The following RABGAP1L variants were observed in gnomAD, a reference collection of about 807,000 sequenced individuals.
RABGAP1L encodes the protein rab GTPase-activating protein 1-like.
A neutral mutation model predicts 137.7 loss-of-function variants in RABGAP1L; 63 were observed. The observed-to-expected ratio is 0.46, with a 90% CI of 0.37 to 0.56. The LOEUF is 0.56. RABGAP1L is among the 20% of genes least tolerant of loss of function. RABGAP1L has a pLI of 0.00. For missense variants in RABGAP1L, 1,095 were observed against 1,244.0 expected (o/e 0.88, Z 1.80); for synonymous variants, 431 against 433.7 (o/e 0.99, Z 0.08).
intron 13 of RABGAP1L, among the ~76,000 whole-genome samples, chr1:174,623,160 A>G (rs370686600): frequency 6.6e-5 from 10 of 152,340 alleles, no homozygotes; most frequent in African/African-American, 2.4e-4. Flanking sequence ...CATAATTAAC[A>G]CAGTCTTGAG....
chr1:174,317,225 A>G lies in RABGAP1L; in HGVS notation c.1465+12098A>G, dbSNP rs566611352. ...TCTCAAGCAGAAGGAGTTTTTTCCC[A>G]TAGCCACTACAGCTAGTAATGTGCT... On this transcript the variant is annotated intron_variant, in intron 11 of 25. Coordinates refer to ENST00000681986, the MANE Select transcript of RABGAP1L (RefSeq NM_001366446.1). 2.0e-5 allele frequency among the ~76,000 whole-genome samples: 3 copies of G among 152,032 alleles called. No homozygotes were observed. The South Asian group carries it at 6.2e-4, about 32-fold the overall frequency.
At chr1:174,481,932 AG>A in intron 13 of RABGAP1L, among the ~76,000 whole-genome samples, 2 of 152,156 alleles carry the variant, frequency 1.3e-5, no homozygotes, top group African/African-American at 4.8e-5. Flanking sequence ...TGAATATGTT[AG>A]GTTACAGGGC....
intron 13 of RABGAP1L, among the ~76,000 whole-genome samples, chr1:174,609,108 T>C (rs1670994279): frequency 6.6e-6 from 1 of 152,140 alleles, no homozygotes; most frequent in Non-Finnish European, 1.5e-5. Flanking sequence ...GTAAGAACAG[T>C]CTTGTATATG....
At chr1:174,637,965 C>CT (rs1042825241) in intron 14 of RABGAP1L, among the ~76,000 whole-genome samples, 2 of 152,100 alleles carry the variant, frequency 1.3e-5, no homozygotes, top group African/African-American at 4.8e-5. Flanking sequence ...ATTTTGAAAT[C>CT]TTTTTTCTCC....
intron 10 of RABGAP1L, among the ~76,000 whole-genome samples, chr1:174,280,878 G>T (rs766418370): frequency 9.8e-5 from 15 of 152,292 alleles, no homozygotes; most frequent in South Asian, 4.1e-4. Flanking sequence ...AAGATGGTGT[G>T]TCCAGAGTTT....
rs189693350 is a variant in RABGAP1L at position 174,695,289 on chromosome 1, G to A, written c.1900-4236G>A. Among the ~76,000 whole-genome samples the A allele has an allele frequency of 7.9e-5, 12 of 151,964 alleles. No individual in the cohort carries two copies. In the East Asian group the frequency reaches 2.3e-3, roughly 30 times the overall value. ...TCTAGATCTTGCAGGCATGCCTAAT[G>A]TCTTTTTATTCTTTTTGTTGTTGTT... On this transcript the variant is annotated intron_variant, in intron 15 of 25. Coordinates refer to ENST00000681986, the MANE Select transcript of RABGAP1L (RefSeq NM_001366446.1).
intron 18 of RABGAP1L, among the ~76,000 whole-genome samples, chr1:174,767,109 A>G (rs1685730195): frequency 6.6e-6 from 1 of 152,184 alleles, no homozygotes; most frequent in African/African-American, 2.4e-5. Flanking sequence ...ACCAATGTAC[A>G]TCTTCCATGG....
chr1:174,394,167 A>G (rs1416718399), intron 13 of RABGAP1L, 22 bp downstream of exon 13: 1 of 1,604,166 alleles, frequency 6.2e-7, no homozygotes, highest in African/African-American at 1.3e-5. Flanking sequence ...TTCTTTTCAT[A>G]TTATTTTCAT....
At chr1:174,236,662 A>T (rs1213971539) in intron 4 of RABGAP1L, among the ~76,000 whole-genome samples, 1 of 142,108 alleles carries the variant, frequency 7.0e-6, no homozygotes, top group African/African-American at 2.6e-5. Context: ...GTTCTTTTAC[A>T]TTTGCTGAGG....
intron 13 of RABGAP1L, among the ~76,000 whole-genome samples, chr1:174,396,239 G>C (rs1647827272): frequency 6.6e-6 from 1 of 152,066 alleles, no homozygotes; most frequent in African/African-American, 2.4e-5. Flanking sequence ...TCTGGAATTA[G>C]ACGGTGGTGA....
intron 13 of RABGAP1L, among the ~76,000 whole-genome samples, chr1:174,629,325 A>C (rs1267030833): frequency 1.3e-5 from 2 of 152,194 alleles, no homozygotes; most frequent in African/African-American, 4.8e-5. Flanking sequence ...CATTCCTATT[A>C]GGCTGTTTAC....
At chr1:174,370,383 A>G (rs1257880511) in intron 11 of RABGAP1L, among the ~76,000 whole-genome samples, 3 of 151,144 alleles carry the variant, frequency 2.0e-5, no homozygotes, top group East Asian at 1.9e-4. Flanking sequence ...TGTTTCTTAA[A>G]CTATTATTTT....
chr1:174,714,263 T>C (rs1390557266), intron 17 of RABGAP1L, among the ~76,000 whole-genome samples: 1 of 152,228 alleles, frequency 6.6e-6, no homozygotes, highest in African/African-American at 2.4e-5. Flanking sequence ...AAATTTTCCC[T>C]GATCACCCAT....
Position 174,969,340 on chromosome 1 carries a change from C to T in RABGAP1L, c.2497C>T (p.His833Tyr). 1.3e-6 allele frequency: 2 copies of T among 1,550,728 alleles called. No homozygotes were observed. Among genetic ancestry groups the T allele is most frequent in the Non-Finnish European group, 8.7e-7 (1 of 1,146,992 alleles). ...RLEQENDDLA[H>Y]ELVTSKIALR... ...GGAACAAGAGAATGATGACCTTGCC[C>T]ATGAACTAGTAACAAGCAAAATTGC... is the stretch of plus-strand genomic sequence containing the variant. Residue 833 changes from histidine to tyrosine, a missense_variant, in exon 21 of 26, where the codon CAT becomes TAT. His to Tyr is a moderately conservative substitution (Grantham distance 83, BLOSUM62 2). Around this residue, in one of 4 missense-constraint regions of RABGAP1L, gnomAD observed 312 missense variants for 435.6 expected, o/e 0.72. Transcript: ENST00000681986.
In RABGAP1L at chr1:174,483,547, A is replaced by G. The variant is rs559649957; in HGVS notation, c.1710+89402A>G. On this transcript the variant is annotated intron_variant, in intron 13 of 25. Coordinates refer to ENST00000681986, the MANE Select transcript of RABGAP1L (RefSeq NM_001366446.1). ...TTTATTCATTCATCTGTCGATGGAC[A>G]CTTAAGTTGCTTTCAAATCTTGGCT... Among the ~76,000 whole-genome samples the G allele has an allele frequency of 6.6e-5, 10 of 152,294 alleles. No individual in the cohort carries two copies. In the South Asian group the frequency reaches 1.9e-3, roughly 28 times the overall value.
At chr1:174,564,164 C>A (rs1404693781) in intron 13 of RABGAP1L, among the ~76,000 whole-genome samples, 1 of 152,074 alleles carries the variant, frequency 6.6e-6, no homozygotes, top group Non-Finnish European at 1.5e-5. Context: ...GATTATAAAT[C>A]TTTTTAATCT....
intron 9 of RABGAP1L, among the ~76,000 whole-genome samples, chr1:174,276,521 G>T (rs1228707601): frequency 2.0e-5 from 3 of 152,156 alleles, no homozygotes; most frequent in African/African-American, 7.2e-5. Context: ...TATTTCATTT[G>T]TGGAGACTAG....
chr1:174,337,482 A>T (rs1006421685), intron 11 of RABGAP1L, among the ~76,000 whole-genome samples: 1 of 152,228 alleles, frequency 6.6e-6, no homozygotes, highest in Admixed American at 6.5e-5. Context: ...CCACAGAAAC[A>T]TAGAACATTA....
intron 1 of RABGAP1L, among the ~76,000 whole-genome samples, chr1:174,203,889 G>A (rs1036829831): frequency 6.6e-6 from 1 of 150,910 alleles, no homozygotes; most frequent in Non-Finnish European, 1.5e-5. Context: ...TTTGGCTCTT[G>A]GCTTAGCTGT....
Sources: allele counts gnomAD v4.1 joint callset (sites outside exome capture counted in the v4.1 genomes callset), GRCh38; gene constraint gnomAD v4.1.1; regional missense constraint gnomAD v4.1.1; transcripts MANE v1.5; gene names NCBI Gene and HGNC (gene_info 2026-07-23, HGNC 2026-07-21).